The following DTNB variants were observed in gnomAD, a reference collection of about 807,000 sequenced individuals.
DTNB encodes the protein DTN-B.
A neutral mutation model predicts 90.7 loss-of-function variants in DTNB; 63 were observed. The ratio of observed to expected loss-of-function variants is 0.69; its 90% CI spans 0.57 to 0.86. The LOEUF (loss-of-function observed/expected upper bound fraction) is 0.86, where lower values mean the gene tolerates loss of function less well. Among genes scored for constraint, DTNB ranks in the 40% least tolerant of loss-of-function variants. The probability of loss-of-function intolerance (pLI) is 0.00; values close to 1 mark genes in which losing one functional copy is unlikely to be tolerated. For missense variants in DTNB, 744 were observed against 807.1 expected, an observed-to-expected ratio of 0.92 and a Z score of 0.95; for synonymous variants, 277 against 286.7, an observed-to-expected ratio of 0.97 and a Z score of 0.34.
intron 5 of DTNB, among the ~76,000 whole-genome samples, chr2:25,604,362 G>A (rs2066593989): frequency 6.6e-6 from 1 of 151,480 alleles, no homozygotes; most frequent in African/African-American, 2.4e-5. Context: ...GTGAGTTCTC[G>A]TTTCTTTCTT....
chr2:25,630,493 G>A (rs1559307836), intron 3 of DTNB, among the ~76,000 whole-genome samples: 1 of 152,086 alleles, frequency 6.6e-6, no homozygotes, highest in South Asian at 2.1e-4. Flanking sequence ...ATAGATACAC[G>A]GATAAATAAA....
At chr2:25,543,742 C>T (rs531807084) in intron 8 of DTNB, among the ~76,000 whole-genome samples, 1 of 151,906 alleles carries the variant, frequency 6.6e-6, no homozygotes, top group Non-Finnish European at 1.5e-5. Flanking sequence ...CCTATTTGTC[C>T]TTTTCAGGTT....
At chr2:25,504,412 A>AAAAGAAAGAAGG (rs1281129574) in intron 9 of DTNB, among the ~76,000 whole-genome samples, 2 of 150,194 alleles carry the variant, frequency 1.3e-5, no homozygotes, top group African/African-American at 2.5e-5. Flanking sequence ...GGAAAGAAAG[A>AAAAGAAAGAAGG]AAAGAAAGAA....
chr2:25,568,900 T>A (rs73922430), intron 8 of DTNB, among the ~76,000 whole-genome samples: 10,342 of 152,194 alleles, frequency 0.068, 1,135 homozygotes, highest in African/African-American at 0.23. Flanking sequence ...GAGGCTGCAC[T>A]CCTCCCACCG....
intron 9 of DTNB, among the ~76,000 whole-genome samples, chr2:25,499,444 T>C (rs1417281487): frequency 2.0e-5 from 3 of 152,134 alleles, no homozygotes; most frequent in Non-Finnish European, 4.4e-5. Context: ...GGTGCTTCAG[T>C]GACCATGATG....
intron 14 of DTNB, among the ~76,000 whole-genome samples, chr2:25,430,694 T>C (rs781616721): frequency 6.6e-6 from 1 of 152,214 alleles, no homozygotes; most frequent in Non-Finnish European, 1.5e-5. Flanking sequence ...AAATTCTGGA[T>C]AGGCGTTCAC....
At position 25,411,260 on chromosome 2, in the gene DTNB, G is replaced by A. The variant is rs1053292068; in HGVS notation, c.1575+8255C>T. On this transcript the variant is annotated intron_variant, in intron 16 of 20. Transcript: ENST00000406818. ...TGTAATCCCAGCTACTTGGTAGGCT[G>A]AGGCAGGAGAGTCACTTGAACCCGG... Among the ~76,000 whole-genome samples the A allele has an allele frequency of 2.6e-5, 4 of 152,034 alleles. No individual in the cohort carries two copies. The East Asian group carries it at 5.8e-4, about 22-fold the overall frequency.
intron 9 of DTNB, among the ~76,000 whole-genome samples, chr2:25,503,090 A>T (rs936767981): frequency 3.0e-5 from 4 of 131,200 alleles, no homozygotes; most frequent in African/African-American, 1.2e-4. Context: ...AAAAAAAAAA[A>T]AGTCCAGACT....
intron 1 of DTNB, among the ~76,000 whole-genome samples, chr2:25,664,747 G>T (rs1056580189): frequency 6.6e-6 from 1 of 152,214 alleles, no homozygotes; most frequent in African/African-American, 2.4e-5. Flanking sequence ...GATTAGGGGT[G>T]TTAGAAGTAG....
intron 8 of DTNB, among the ~76,000 whole-genome samples, chr2:25,559,657 A>G (rs1423614807): frequency 1.3e-5 from 2 of 152,188 alleles, no homozygotes; most frequent in African/African-American, 4.8e-5. Context: ...CCACATCCTA[A>G]TCTCTGGAAC....
At chr2:25,434,632 T>C (rs1432262047) in intron 12 of DTNB, among the ~76,000 whole-genome samples, 1 of 152,092 alleles carries the variant, frequency 6.6e-6, no homozygotes, top group Non-Finnish European at 1.5e-5. Context: ...TTATCTATTG[T>C]TTCCAGCTTT....
intron 5 of DTNB, among the ~76,000 whole-genome samples, chr2:25,598,197 T>C (rs1272331719): frequency 1.3e-5 from 2 of 152,148 alleles, no homozygotes; most frequent in Non-Finnish European, 2.9e-5. Context: ...TTGTTCCTTA[T>C]TCCCTTCCTC....
At chr2:25,653,423 T>G (rs1327354450) in intron 1 of DTNB, among the ~76,000 whole-genome samples, 4 of 143,290 alleles carry the variant, frequency 2.8e-5, no homozygotes, top group East Asian at 2.0e-4. Flanking sequence ...CAATTAAACG[T>G]TTTTTTTTTA....
intron 6 of DTNB, among the ~76,000 whole-genome samples, chr2:25,585,995 A>T (rs925617283): frequency 6.6e-6 from 1 of 152,220 alleles, no homozygotes; most frequent in Non-Finnish European, 1.5e-5. Context: ...GCTTTTTCTT[A>T]GAGATATTTT....
chr2:25,494,480 G>A (rs1353115930), intron 9 of DTNB, among the ~76,000 whole-genome samples: 1 of 145,916 alleles, frequency 6.9e-6, no homozygotes. Flanking sequence ...GTGGGGGGAG[G>A]AGGGGGGAGT....
chr2:25,490,040 C>G (rs2067031457), intron 9 of DTNB, among the ~76,000 whole-genome samples: 1 of 152,218 alleles, frequency 6.6e-6, no homozygotes, highest in East Asian at 1.9e-4. Context: ...CTCTGGGAAG[C>G]CAAGGCAGGA....
At chr2:25,534,229 G>C (rs889587672) in intron 8 of DTNB, among the ~76,000 whole-genome samples, 1 of 152,114 alleles carries the variant, frequency 6.6e-6, no homozygotes, top group Non-Finnish European at 1.5e-5. Flanking sequence ...CTGCCTTCAA[G>C]CATCTGTTTA....
At chr2:25,383,772 G>A (rs1558796700) in intron 19 of DTNB, 64 bp downstream of exon 19, 2 of 1,613,716 alleles carry the variant, frequency 1.2e-6, no homozygotes, top group Non-Finnish European at 1.7e-6. Flanking sequence ...ACAAAGTGGG[G>A]GGCGGCTGAT....
At chr2:25,659,164 G>C (rs1293786784) in intron 1 of DTNB, among the ~76,000 whole-genome samples, 1 of 152,162 alleles carries the variant, frequency 6.6e-6, no homozygotes, top group Non-Finnish European at 1.5e-5. Flanking sequence ...ATATATGTAT[G>C]AAATGACCTC....
Sources: allele counts gnomAD v4.1 joint callset (sites outside exome capture counted in the v4.1 genomes callset), GRCh38; gene constraint gnomAD v4.1.1; transcripts MANE v1.5; gene names NCBI Gene and HGNC (gene_info 2026-07-23, HGNC 2026-07-21).